Variants in ZNF721 observed in about 807,000 individuals in gnomAD.
ZNF721 encodes the protein zinc finger protein 721.
Under a neutral mutation model 2.4 loss-of-function variants are expected in ZNF721, and 2 were observed. The observed-to-expected ratio is 0.82, with a 90% CI of 0.34 to 2.58. The LOEUF (loss-of-function observed/expected upper bound fraction) is 2.58, where lower values mean the gene tolerates loss of function less well. Among genes scored for constraint, ZNF721 ranks in the 30% most tolerant of loss-of-function variants. ZNF721 has a pLI of 0.11. For synonymous variants in ZNF721, 398 were observed against 381.8 expected (o/e 1.04, Z -0.50); for missense variants, 1,187 against 1,085.5 (o/e 1.09, Z -1.31).
rs1242622908 is a variant in ZNF721, at chr4:443,791, A to G, written c.676T>C (p.Cys226Arg). 1.2e-6 allele frequency: 2 copies of G among 1,613,834 alleles called. No individual in the cohort carries two copies. Among genetic ancestry groups the G allele is most frequent in the African/African-American group, 2.7e-5 (2 of 74,908 alleles). The change falls in exon 3 of 3, where the codon TGT becomes CGT. Residue 226 changes from cysteine (C) to arginine (R), a missense_variant. Coordinates refer to ENST00000511833, the MANE Select transcript of ZNF721 (RefSeq NM_133474.4). ...TGDKPYKCKE[C>R]GKAFMHSSHL... is the part of the protein sequence containing the mutation. ...GAGGAATGCATAAAGGCTTTCCCAC[A>G]TTCTTTACATTTGTAGGGTTTATCT...
At chr4:479,869 A>G (rs1576970012) in intron 1 of ZNF721, among the ~76,000 whole-genome samples, 1 of 152,222 alleles carries the variant, frequency 6.6e-6, no homozygotes, top group Non-Finnish European at 1.5e-5. Flanking sequence ...ATGTGTGCAC[A>G]TATCCATTTG....
At chr4:474,126 G>T in intron 1 of ZNF721, 1 of 1,055,542 alleles carries the variant, frequency 9.5e-7, no homozygotes, top group Non-Finnish European at 1.3e-6. Context: ...CCCTAACCGA[G>T]CTCAGGCTGA....
At chr4:470,031 C>T (rs756631003) in intron 2 of ZNF721, among the ~76,000 whole-genome samples, 1 of 152,102 alleles carries the variant, frequency 6.6e-6, no homozygotes, top group Non-Finnish European at 1.5e-5. Flanking sequence ...TACAGGCATC[C>T]GCCACCATGC....
At chr4:459,799 C>G (rs564175431) in intron 2 of ZNF721, among the ~76,000 whole-genome samples, 1 of 151,704 alleles carries the variant, frequency 6.6e-6, no homozygotes, top group Admixed American at 6.6e-5. Flanking sequence ...CCACTACACT[C>G]CAGCCTGGGC....
chr4:486,154 T>C (rs1183961511), intron 1 of ZNF721, among the ~76,000 whole-genome samples: 3 of 96,010 alleles, frequency 3.1e-5, no homozygotes, highest in East Asian at 8.2e-4. Flanking sequence ...GATTTCTTTT[T>C]TTTTTCTTTT....
chr4:478,592 T>C lies in ZNF721; in HGVS notation c.-93-5891A>G, dbSNP rs141058959. On this transcript the variant is annotated intron_variant, in intron 1 of 2. Transcript: ENST00000511833. ...TTTATAAAATAGATTTTCCATTGCA[T>C]GTACATTCCATTTTAAAAATCCATT... Among the ~76,000 whole-genome samples the C allele has an allele frequency of 5.9e-5, 9 of 152,322 alleles. No individual in the cohort carries two copies. In the East Asian group the frequency reaches 1.7e-3, roughly 29 times the overall value.
intron 1 of ZNF721, among the ~76,000 whole-genome samples, chr4:485,033 C>T (rs1205899535): frequency 9.2e-5 from 14 of 152,054 alleles, no homozygotes; most frequent in East Asian, 1.9e-4. Context: ...TTTCTCAAGC[C>T]GGCCGACACT....
chr4:495,392 CCTT>C (rs1183397864), intron 1 of ZNF721, among the ~76,000 whole-genome samples: 4 of 141,970 alleles, frequency 2.8e-5, no homozygotes, highest in African/African-American at 1.0e-4. Context: ...AAACATGAAA[CCTT>C]CTAAATATAA....
At chr4:455,520 T>G (rs1714818344) in intron 2 of ZNF721, among the ~76,000 whole-genome samples, 1 of 152,006 alleles carries the variant, frequency 6.6e-6, no homozygotes, top group East Asian at 1.9e-4. Flanking sequence ...TAAGCCGAGA[T>G]CGTGCCACTG....
At chr4:480,347 G>C (rs1320856865) in intron 1 of ZNF721, among the ~76,000 whole-genome samples, 3 of 152,128 alleles carry the variant, frequency 2.0e-5, no homozygotes, top group African/African-American at 7.2e-5. Context: ...TTTGTAATTT[G>C]AATTTAGGAA....
At chr4:491,041 G>T (rs759534543) in intron 1 of ZNF721, among the ~76,000 whole-genome samples, 3 of 151,878 alleles carry the variant, frequency 2.0e-5, no homozygotes, top group Non-Finnish European at 4.4e-5. Context: ...TGTGCCATTA[G>T]GAGTAAACTG....
At chr4:496,325 T>C (rs1334127151) in intron 1 of ZNF721, among the ~76,000 whole-genome samples, 1 of 152,168 alleles carries the variant, frequency 6.6e-6, no homozygotes, top group Non-Finnish European at 1.5e-5. Flanking sequence ...ACCCGTGTGG[T>C]GGCCACCTGG....
intron 2 of ZNF721, among the ~76,000 whole-genome samples, chr4:463,622 T>C (rs1193472281): frequency 6.6e-6 from 1 of 152,150 alleles, no homozygotes; most frequent in Non-Finnish European, 1.5e-5. Flanking sequence ...TGGATGAAGC[T>C]GGAAACCATC....
chr4:481,608 G>A (rs1156776892), intron 1 of ZNF721, among the ~76,000 whole-genome samples: 54 of 146,954 alleles, frequency 3.7e-4, no homozygotes, highest in African/African-American at 1.2e-3. Context: ...TCCCTCTGTC[G>A]CCAAGGCTGG....
intron 2 of ZNF721, among the ~76,000 whole-genome samples, chr4:452,475 A>G (rs1309299962): frequency 6.6e-6 from 1 of 152,208 alleles, no homozygotes; most frequent in African/African-American, 2.4e-5. Context: ...GTAACATTTT[A>G]CAACCTCTGC....
intron 1 of ZNF721, among the ~76,000 whole-genome samples, chr4:492,185 AAAC>A (rs1400121131): frequency 1.6e-4 from 25 of 151,832 alleles, no homozygotes; most frequent in African/African-American, 5.6e-4. Flanking sequence ...ACAAACAAAC[AAAC>A]AAAAAAAAAA....
chr4:476,298 CCT>C (rs1553868643), intron 1 of ZNF721, among the ~76,000 whole-genome samples: 19 of 152,282 alleles, frequency 1.2e-4, no homozygotes, highest in South Asian at 2.1e-4. Flanking sequence ...GTCTGGCTCC[CCT>C]GATAGCAGCA....
At chr4:491,430 A>T (rs1408773757) in intron 1 of ZNF721, among the ~76,000 whole-genome samples, 1 of 152,166 alleles carries the variant, frequency 6.6e-6, no homozygotes, top group African/African-American at 2.4e-5. Context: ...AACAAAACAA[A>T]ACAAAAACTG....
chr4:459,825 C>A (rs1414044977), intron 2 of ZNF721, among the ~76,000 whole-genome samples: 1 of 147,900 alleles, frequency 6.8e-6, no homozygotes, highest in Non-Finnish European at 1.5e-5. Context: ...AGCAAGACTC[C>A]GTCTCAAAAA....
Sources: gnomAD v4.1 joint callset for allele counts (sites outside exome capture counted in the v4.1 genomes callset) on GRCh38, gnomAD v4.1.1 for gene constraint, MANE v1.5 for transcripts, NCBI Gene and HGNC (gene_info 2026-07-23, HGNC 2026-07-21) for gene names.